KIRREL3: variants seen among roughly 807,000 people sequenced by gnomAD.
KIRREL3 encodes the protein kirre like nephrin family adhesion molecule 3, also known as kin of IRRE-like protein 3.
In KIRREL3, 36 loss-of-function variants were observed where a neutral mutation model predicts 89.7. The observed-to-expected ratio is 0.40, with a 90% CI of 0.31 to 0.53. The LOEUF (loss-of-function observed/expected upper bound fraction) is 0.53, where lower values mean the gene tolerates loss of function less well. Among genes scored for constraint, KIRREL3 ranks in the 20% least tolerant of loss-of-function variants. The pLI is 0.49. For synonymous variants in KIRREL3, 445 were observed against 441.4 expected (o/e 1.01, Z -0.10); for missense variants, 864 against 1,056.6 (o/e 0.82, Z 2.53).
intron 1 of KIRREL3, among the ~76,000 whole-genome samples, chr11:126,774,915 A>G (rs1950126684): frequency 6.6e-6 from 1 of 152,142 alleles, no homozygotes; most frequent in Non-Finnish European, 1.5e-5. Flanking sequence ...TCTGCTCTGT[A>G]ACAAGTCTTG....
rs984362254 is a variant in KIRREL3 at position 126,780,276 on chromosome 11, A to G, written c.56-217364T>C. Among the ~76,000 whole-genome samples the G allele has an allele frequency of 1.3e-5, 2 of 152,246 alleles. No homozygotes were observed. The highest frequency in any genetic ancestry group is 2.9e-5 in the Non-Finnish European group (2 of 68,052). ...GACTGCAGATGTGTAAGAGCAGCCT[A>G]TCTTCTTCCGAGTCCACTAGAGAAG... is the stretch of plus-strand genomic sequence containing the variant. On this transcript the variant is annotated intron_variant, in intron 1 of 16. Transcript: ENST00000525144. This position sits in a 1 kb window ranked among gnomAD's most constrained non-coding sequence, Gnocchi z 5.3.
At chr11:126,663,892 C>T (rs992884233) in intron 1 of KIRREL3, among the ~76,000 whole-genome samples, 5 of 152,226 alleles carry the variant, frequency 3.3e-5, no homozygotes, top group African/African-American at 9.7e-5. Flanking sequence ...ACAGGGCCTG[C>T]TCTGACTATA....
At chr11:126,546,843 G>A (rs750345197) in intron 2 of KIRREL3, among the ~76,000 whole-genome samples, 15 of 152,286 alleles carry the variant, frequency 9.8e-5, no homozygotes, top group East Asian at 1.9e-4. Flanking sequence ...CAACAAATGC[G>A]TGGAGGAAAG....
At chr11:126,646,190 C>T (rs1413354084) in intron 1 of KIRREL3, among the ~76,000 whole-genome samples, 3 of 152,260 alleles carry the variant, frequency 2.0e-5, no homozygotes, top group South Asian at 2.1e-4. Flanking sequence ...CTTGTACCTT[C>T]GAGTCAGCAC....
chr11:126,517,304 G>A (rs1958448526), intron 4 of KIRREL3, among the ~76,000 whole-genome samples: 2 of 152,206 alleles, frequency 1.3e-5, no homozygotes, highest in Admixed American at 1.3e-4. Flanking sequence ...AAGAGGCCCA[G>A]TTCCAGCCTT....
Position 126,496,712 on chromosome 11 carries a change from A to T in KIRREL3, c.434-23246T>A, listed in dbSNP as rs564937055. ...CTTGTATCTGCCAAAACCCAAACAG[A>T]AGCGCTCAGAAATGTTGGAGGGCCT... On this transcript the variant is annotated intron_variant, in intron 4 of 16. Transcript: ENST00000525144. The surrounding 1 kb of genome is among the most constrained non-coding windows in gnomAD (Gnocchi z 4.9). 6.6e-6 allele frequency among the ~76,000 whole-genome samples: 1 copy of T among 151,982 alleles called. No homozygotes were observed. Among genetic ancestry groups the T allele is most frequent in the Non-Finnish European group, 1.5e-5 (1 of 68,014 alleles).
At position 126,431,299 on chromosome 11, in the gene KIRREL3, G is replaced by T; in HGVS notation, c.1696+120C>A. 6.4e-7 allele frequency: 1 copy of T among 1,551,994 alleles called. No homozygotes were observed. Among genetic ancestry groups the T allele is most frequent in the African/African-American group, 1.4e-5 (1 of 73,220 alleles). On this transcript the variant is annotated intron_variant, in intron 14 of 16. Transcript: ENST00000525144. The surrounding 1 kb of genome is among the most constrained non-coding windows in gnomAD (Gnocchi z 7.1). Reference sequence around the variant, plus strand: ...ATCAGACCCACTCCCTGCCCCAGGAGCTCACAGCACTGTTAGGACCCCTGT... The same window carrying T: ...ATCAGACCCACTCCCTGCCCCAGGATCTCACAGCACTGTTAGGACCCCTGT...
intron 1 of KIRREL3, among the ~76,000 whole-genome samples, chr11:126,777,094 C>G (rs1324901032): frequency 6.6e-6 from 1 of 152,142 alleles, no homozygotes; most frequent in Non-Finnish European, 1.5e-5. Flanking sequence ...CGTCCAGGGC[C>G]ACCAAACTGG....
rs952080646 is a variant in KIRREL3, at chr11:126,994,850, A to T, written c.55+5605T>A. 3.9e-5 allele frequency among the ~76,000 whole-genome samples: 6 copies of T among 152,178 alleles called. No individual in the cohort carries two copies. In the East Asian group the frequency reaches 1.2e-3, roughly 29 times the overall value. ...GTGCTTCATAATAAAGCTTTGGCAG[A>T]TGGCAGGACATAGCATCCCTTCCCC... On this transcript the variant is annotated intron_variant, in intron 1 of 16. Coordinates refer to ENST00000525144, the MANE Select transcript of KIRREL3 (RefSeq NM_032531.4). The surrounding 1 kb of genome is among the most constrained non-coding windows in gnomAD (Gnocchi z 5.2).
At chr11:126,927,720 G>C (rs553744348) in intron 1 of KIRREL3, among the ~76,000 whole-genome samples, 2 of 152,174 alleles carry the variant, frequency 1.3e-5, no homozygotes, top group Non-Finnish European at 2.9e-5. Context: ...AGCATGCACA[G>C]AAAAACCAAG....
At chr11:126,481,932 C>T (rs540730211) in intron 4 of KIRREL3, among the ~76,000 whole-genome samples, 7 of 152,258 alleles carry the variant, frequency 4.6e-5, no homozygotes, top group East Asian at 3.8e-4. Context: ...GCTGACTCTT[C>T]GGCCTTGCTT....
At chr11:126,458,791 T>C (rs993107686) in intron 6 of KIRREL3, among the ~76,000 whole-genome samples, 9 of 152,194 alleles carry the variant, frequency 5.9e-5, no homozygotes, top group African/African-American at 2.2e-4. Context: ...ATCCCAGTTG[T>C]AAGGCATAAT....
chr11:126,450,453 C>T (rs1263288362), intron 7 of KIRREL3, among the ~76,000 whole-genome samples: 1 of 111,360 alleles, frequency 9.0e-6, no homozygotes, highest in African/African-American at 4.4e-5. Flanking sequence ...ATGTGCGCAT[C>T]TGTGAGTGTG....
At position 126,666,923 on chromosome 11, in the gene KIRREL3, T is replaced by A. The variant is rs1206684560; in HGVS notation, c.56-104011A>T. On this transcript the variant is annotated intron_variant, in intron 1 of 16. Coordinates refer to ENST00000525144, the MANE Select transcript of KIRREL3 (RefSeq NM_032531.4). This position sits in a 1 kb window ranked among gnomAD's most constrained non-coding sequence, Gnocchi z 4.2. ...GAGGGCTTAGCCAACAGTCTCAGGG[T>A]CAGCATTTCCTAGTCCTACAAGATT... Among the ~76,000 whole-genome samples, 1 of 152,192 alleles carries A rather than the reference T, an allele frequency of 6.6e-6. No individual in the cohort carries two copies. The highest frequency in any genetic ancestry group is 6.5e-5 in the Admixed American group (1 of 15,278).
At chr11:126,929,501 G>A (rs1947850941) in intron 1 of KIRREL3, among the ~76,000 whole-genome samples, 1 of 152,012 alleles carries the variant, frequency 6.6e-6, no homozygotes, top group Non-Finnish European at 1.5e-5. Context: ...TAAAAAGATC[G>A]AAACAAAACC....
At chr11:126,465,419 G>C (rs1216697458) in intron 5 of KIRREL3, among the ~76,000 whole-genome samples, 2 of 152,170 alleles carry the variant, frequency 1.3e-5, no homozygotes, top group East Asian at 3.9e-4. Flanking sequence ...GCAGCCCCGG[G>C]GGTGCTGGAC....
intron 4 of KIRREL3, among the ~76,000 whole-genome samples, chr11:126,518,582 A>G (rs1159063142): frequency 6.6e-6 from 1 of 152,270 alleles, no homozygotes; most frequent in Non-Finnish European, 1.5e-5. Context: ...GAACACAGGG[A>G]AGGCAGCCCC....
rs1182446095 is a variant in KIRREL3, at chr11:126,783,978, A to G, written c.55+216477T>C. 6.6e-6 allele frequency among the ~76,000 whole-genome samples: 1 copy of G among 152,150 alleles called. No individual in the cohort carries two copies. The highest frequency in any genetic ancestry group is 2.4e-5 in the African/African-American group (1 of 41,434). ...CTTGTCTTTGTGGTCTTCCCCCTCG[A>G]CCTCAGTGTAATCTTGAAAAGAGCA... is the stretch of plus-strand genomic sequence containing the variant. On this transcript the variant is annotated intron_variant, in intron 1 of 16. Transcript: ENST00000525144. The surrounding 1 kb of genome is among the most constrained non-coding windows in gnomAD (Gnocchi z 4.3).
At chr11:126,784,589 T>C (rs1950426283) in intron 1 of KIRREL3, among the ~76,000 whole-genome samples, 1 of 149,620 alleles carries the variant, frequency 6.7e-6, no homozygotes, top group South Asian at 2.1e-4. Flanking sequence ...TCTATCACCA[T>C]TTTACTTAGC....
Sources: allele counts gnomAD v4.1 joint callset (sites outside exome capture counted in the v4.1 genomes callset), GRCh38; gene constraint gnomAD v4.1.1; non-coding constraint Gnocchi (gnomAD v3.1); transcripts MANE v1.5; gene names NCBI Gene and HGNC (gene_info 2026-07-23, HGNC 2026-07-21).